C1GALT1: variants seen among roughly 807,000 people sequenced by gnomAD.
C1GALT1 encodes core 1 synthase, glycoprotein-N-acetylgalactosamine 3-beta-galactosyltransferase 1.
C1GALT1 carries 11 observed loss-of-function variants against 31.0 expected under a neutral mutation model. The observed-to-expected ratio is 0.36, with a 90% CI of 0.22 to 0.59. The LOEUF is 0.59. Ranked by LOEUF, C1GALT1 falls within the 20% of genes least tolerant of loss-of-function variation. The probability of loss-of-function intolerance (pLI) is 0.79; values close to 1 mark genes in which losing one functional copy is unlikely to be tolerated. For missense variants in C1GALT1, 424 were observed against 425.2 expected, an observed-to-expected ratio of 1.00 and a Z score of 0.03; for synonymous variants, 175 against 143.6, an observed-to-expected ratio of 1.22 and a Z score of -1.56.
intron 1 of C1GALT1, among the ~76,000 whole-genome samples, chr7:7,229,817 G>A (rs915050310): frequency 6.6e-5 from 10 of 152,282 alleles, no homozygotes; most frequent in African/African-American, 2.4e-4. Flanking sequence ...AGAAAGACAT[G>A]GTAAACTTGT....
At position 7,243,581 on chromosome 7, in the gene C1GALT1, A is replaced by G. The variant is rs1387594027; in HGVS notation, c.946A>G (p.Met316Val). 1 of 1,612,600 alleles carries G rather than the reference A, an allele frequency of 6.2e-7. No homozygotes were observed. Among genetic ancestry groups the G allele is most frequent in the Non-Finnish European group, 8.5e-7 (1 of 1,179,518 alleles). Residue 316 changes from methionine to valine, a missense_variant, in exon 4 of 4, where the codon ATG (methionine) becomes GTG (valine). By Grantham distance (21) the Met-to-Val change is conservative (BLOSUM62 1). Transcript: ENST00000436587. ...TTTTCACTATGTTGATTCTACAACC[A>G]TGTATGAGTTAGAATACCTCGTTTA... Reference protein sequence around the residue: ...VSFHYVDSTTMYELEYLVYHL... With the variant: ...VSFHYVDSTTVYELEYLVYHL...
chr7:7,157,519 G>A (rs1024024321), intron 2 of C1GALT1: 3 of 152,178 alleles, frequency 2.0e-5, no homozygotes, highest in Non-Finnish European at 2.9e-5. Context: ...CCATAACCTT[G>A]CCCTGACTTG....
intron 1 of C1GALT1, among the ~76,000 whole-genome samples, chr7:7,234,091 C>G (rs767028631): frequency 2.8e-4 from 42 of 152,194 alleles, no homozygotes; most frequent in Non-Finnish European, 5.1e-4. Context: ...CCATACCCCA[C>G]CCCAACTGTG....
chr7:7,223,600 A>G (rs530203566), intron 1 of C1GALT1, among the ~76,000 whole-genome samples: 1 of 152,202 alleles, frequency 6.6e-6, no homozygotes, highest in African/African-American at 2.4e-5. Flanking sequence ...TGGCATGTGT[A>G]TCTTATATCC....
Position 7,243,515 on chromosome 7 carries a change from CTT to C in C1GALT1, c.889-4_889-3del. The C allele has an allele frequency of 6.3e-7, 1 of 1,581,272 alleles. No homozygotes were observed. The highest frequency in any genetic ancestry group is 8.6e-7 in the Non-Finnish European group (1 of 1,168,188). On this transcript the variant is annotated splice_polypyrimidine_tract_variant and splice_region_variant and intron_variant, in intron 3 of 3. Transcript: ENST00000436587. ...TTATTAACAATACCTGTTTCCACTACTTTTTTAGGGTCCTGGTTGCTGCTCTG... is the reference window on the plus strand; with the variant it reads ...TTATTAACAATACCTGTTTCCACTACTTTTAGGGTCCTGGTTGCTGCTCTG...
chr7:7,237,907 A>C (rs2128250778), intron 2 of C1GALT1, among the ~76,000 whole-genome samples: 1 of 152,324 alleles, frequency 6.6e-6, no homozygotes, highest in East Asian at 1.9e-4. Flanking sequence ...AGGAGAACTT[A>C]TTAAAATGCT....
intron 2 of C1GALT1, among the ~76,000 whole-genome samples, chr7:7,236,385 G>A (rs1783351506): frequency 6.6e-6 from 1 of 152,108 alleles, no homozygotes; most frequent in African/African-American, 2.4e-5. Context: ...TCAAGGTTTG[G>A]TATATTTGTA....
upstream of C1GALT1, chr7:7,177,966 T>C: frequency 4.7e-6 from 1 of 213,210 alleles, no homozygotes; most frequent in African/African-American, 2.3e-5. Flanking sequence ...AGCTAATCAG[T>C]GATAAAACTG....
chr7:7,223,119 G>C (rs1015453603), intron 1 of C1GALT1, among the ~76,000 whole-genome samples: 7 of 151,876 alleles, frequency 4.6e-5, no homozygotes, highest in African/African-American at 1.7e-4. Context: ...TTTCTTTCTG[G>C]GATAATAACA....
intron 1 of C1GALT1, among the ~76,000 whole-genome samples, chr7:7,202,300 G>GGT (rs755114565): frequency 6.6e-6 from 1 of 152,160 alleles, no homozygotes; most frequent in Admixed American, 6.5e-5. Context: ...AAAAGTTCAC[G>GGT]GTGTGAGTCT....
At chr7:7,227,819 C>G (rs1028245954) in intron 1 of C1GALT1, among the ~76,000 whole-genome samples, 1 of 152,088 alleles carries the variant, frequency 6.6e-6, no homozygotes, top group African/African-American at 2.4e-5. Context: ...CAAGACTCTT[C>G]AGAGGAGAGT....
At position 7,247,059 on chromosome 7, in the gene C1GALT1, CA is replaced by C. The variant is rs1331515906; in HGVS notation, c.*3333del. ...AAGTACATAATTTATTAAAAACATA[CA>C]TAAGTGTCATCAAAAAGGTCCACAA... On this transcript the variant is annotated 3_prime_UTR_variant, in exon 4 of 4. Coordinates refer to ENST00000436587, the MANE Select transcript of C1GALT1 (RefSeq NM_020156.5). The C allele has an allele frequency of 6.6e-6, 1 of 152,002 alleles. No homozygotes were observed. The highest frequency in any genetic ancestry group is 6.6e-5 in the Admixed American group (1 of 15,260). The allele number at this position is 152,002 out of a possible 1,614,324, so 9.4% of individuals were successfully genotyped here.
chr7:7,163,147 C>T (rs192642528), intron 2 of C1GALT1, among the ~76,000 whole-genome samples: 5 of 152,066 alleles, frequency 3.3e-5, no homozygotes, highest in African/African-American at 9.7e-5. Context: ...ATTTTGGCTT[C>T]TGTTGCCATT....
chr7:7,188,770 C>T (rs1245570079), intron 1 of C1GALT1, among the ~76,000 whole-genome samples: 1 of 151,806 alleles, frequency 6.6e-6, no homozygotes, highest in South Asian at 2.1e-4. Context: ...AAAAATAAAC[C>T]TTTTATCTTA....
chr7:7,228,920 G>T (rs1301796586), intron 1 of C1GALT1, among the ~76,000 whole-genome samples: 3 of 152,230 alleles, frequency 2.0e-5, no homozygotes, highest in Non-Finnish European at 2.9e-5. Context: ...TCCACAAACA[G>T]TAACTGTTTT....
intron 1 of C1GALT1, among the ~76,000 whole-genome samples, chr7:7,190,064 C>A (rs1027828728): frequency 1.3e-5 from 2 of 152,128 alleles, no homozygotes; most frequent in African/African-American, 4.8e-5. Flanking sequence ...CCACCAGGGA[C>A]ACATCTGTAG....
chr7:7,223,554 G>T (rs1005987404), intron 1 of C1GALT1, among the ~76,000 whole-genome samples: 3 of 152,008 alleles, frequency 2.0e-5, no homozygotes, highest in Non-Finnish European at 4.4e-5. Flanking sequence ...GAGTTTTATG[G>T]GTTTCGTTTT....
At chr7:7,201,853 G>A (rs913208018) in intron 1 of C1GALT1, among the ~76,000 whole-genome samples, 1 of 152,126 alleles carries the variant, frequency 6.6e-6, no homozygotes, top group Non-Finnish European at 1.5e-5. Context: ...CTCCTCCCCC[G>A]ATTCTGTCCA....
rs1362814504 is a variant in C1GALT1, at chr7:7,245,871, A to G, written c.*2144A>G. ...CTTACTGTTTTTGTAACCTTGAGCA[A>G]TTTTAATCTCTCTGTGTCTCAATTT... On this transcript the variant is annotated 3_prime_UTR_variant, in exon 4 of 4. Transcript: ENST00000436587. 1 of 152,172 alleles carries G rather than the reference A, an allele frequency of 6.6e-6. No homozygotes were observed. The allele number at this position is 152,172 out of a possible 1,614,324, so 9.4% of individuals were successfully genotyped here.
Sources: allele counts gnomAD v4.1 joint callset (sites outside exome capture counted in the v4.1 genomes callset), GRCh38; gene constraint gnomAD v4.1.1; transcripts MANE v1.5; gene names NCBI Gene and HGNC (gene_info 2026-07-23, HGNC 2026-07-21).